RAMP1: variants seen among roughly 807,000 people sequenced by gnomAD.
RAMP1 encodes the protein receptor activity modifying protein 1, also known as receptor activity-modifying protein 1.
RAMP1 carries 7 observed loss-of-function variants against 8.2 expected under a neutral mutation model. The ratio of observed to expected loss-of-function variants is 0.85; its 90% CI spans 0.49 to 1.60. RAMP1 has a LOEUF of 1.60. RAMP1 is among the 40% of genes most tolerant of loss of function. The probability of loss-of-function intolerance (pLI) is 0.00; values close to 1 mark genes in which losing one functional copy is unlikely to be tolerated. For missense variants in RAMP1, 192 were observed against 202.4 expected, an observed-to-expected ratio of 0.95 and a Z score of 0.31; for synonymous variants, 92 against 84.7, an observed-to-expected ratio of 1.09 and a Z score of -0.47.
intron 1 of RAMP1, among the ~76,000 whole-genome samples, chr2:237,867,553 G>C (rs1212730026): frequency 1.3e-5 from 2 of 152,198 alleles, no homozygotes; most frequent in Non-Finnish European, 2.9e-5. Flanking sequence ...CTTTTGTCCT[G>C]TGAAGGAAGA....
At chr2:237,909,918 G>A (rs894731931) in intron 2 of RAMP1, among the ~76,000 whole-genome samples, 2 of 152,098 alleles carry the variant, frequency 1.3e-5, no homozygotes, top group Non-Finnish European at 2.9e-5. Context: ...TCCTGGAGCA[G>A]AGGGGACTCC....
chr2:237,870,694 T>G (rs1007739954), intron 1 of RAMP1, among the ~76,000 whole-genome samples: 1 of 152,100 alleles, frequency 6.6e-6, no homozygotes, highest in African/African-American at 2.4e-5. Flanking sequence ...TGAATGGCAG[T>G]CGGGGGCAGG....
At chr2:237,876,767 G>T (rs189869865) in intron 1 of RAMP1, among the ~76,000 whole-genome samples, 54 of 152,248 alleles carry the variant, frequency 3.5e-4, no homozygotes, top group Admixed American at 2.1e-3. Context: ...CAGGAGGAGG[G>T]AGCACAGTTC....
chr2:237,873,551 T>C (rs13403217), intron 1 of RAMP1, among the ~76,000 whole-genome samples: 3,459 of 152,238 alleles, frequency 0.023, 125 homozygotes, highest in African/African-American at 0.076. Flanking sequence ...CTGAACCCCC[T>C]CAAGCAACAC....
intron 1 of RAMP1, among the ~76,000 whole-genome samples, chr2:237,875,064 G>A (rs1403719705): frequency 6.6e-6 from 1 of 152,192 alleles, no homozygotes; most frequent in East Asian, 1.9e-4. Flanking sequence ...TGGACAGGCA[G>A]CCTGGAATTC....
chr2:237,895,801 C>T (rs545450017), intron 2 of RAMP1, among the ~76,000 whole-genome samples: 7 of 152,300 alleles, frequency 4.6e-5, no homozygotes, highest in South Asian at 2.1e-4. Context: ...AGCGTTGCTT[C>T]ACAAGGACAA....
In RAMP1 at chr2:237,877,689, G is replaced by C. The variant is rs1473485752; in HGVS notation, c.191+327G>C. 6.6e-6 allele frequency among the ~76,000 whole-genome samples: 1 copy of C among 152,166 alleles called. No individual in the cohort carries two copies. Among genetic ancestry groups the C allele is most frequent in the Non-Finnish European group, 1.5e-5 (1 of 68,010 alleles). ...CTGAGAGTAGGGTCTCATGCCCAGG[G>C]TGGCCGGGTCTCTGACTGGAGCCTG... is the stretch of plus-strand genomic sequence containing the variant. On this transcript the variant is annotated intron_variant, in intron 2 of 2. Coordinates refer to ENST00000254661, the MANE Select transcript of RAMP1 (RefSeq NM_005855.4). The surrounding 1 kb of genome is among the most constrained non-coding windows in gnomAD (Gnocchi z 4.4).
chr2:237,878,280 G>T lies in RAMP1; in HGVS notation c.191+918G>T, dbSNP rs1396884240. 6.6e-6 allele frequency among the ~76,000 whole-genome samples: 1 copy of T among 152,242 alleles called. No homozygotes were observed. Among genetic ancestry groups the T allele is most frequent in the Non-Finnish European group, 1.5e-5 (1 of 68,026 alleles). On this transcript the variant is annotated intron_variant, in intron 2 of 2. Coordinates refer to ENST00000254661, the MANE Select transcript of RAMP1 (RefSeq NM_005855.4). This position sits in a 1 kb window ranked among gnomAD's most constrained non-coding sequence, Gnocchi z 5.7. ...TGAGAGAAAGGGAGCCCTGGGGACT[G>T]GTGGGGAGGGCCAGGGGCAGGGAGG...
At chr2:237,883,554 G>A (rs1309961179) in intron 2 of RAMP1, among the ~76,000 whole-genome samples, 4 of 152,132 alleles carry the variant, frequency 2.6e-5, no homozygotes, top group African/African-American at 7.2e-5. Flanking sequence ...AGTGGCTTTC[G>A]CCTGTAATCC....
chr2:237,870,703 G>A (rs1362580997), intron 1 of RAMP1, among the ~76,000 whole-genome samples: 1 of 152,232 alleles, frequency 6.6e-6, no homozygotes, highest in African/African-American at 2.4e-5. Flanking sequence ...GTCGGGGGCA[G>A]GACCAAGGCT....
intron 2 of RAMP1, among the ~76,000 whole-genome samples, chr2:237,891,738 A>T (rs564154800): frequency 6.6e-6 from 1 of 152,274 alleles, no homozygotes; most frequent in Non-Finnish European, 1.5e-5. Flanking sequence ...ACAACCATTA[A>T]TGTTACCTTG....
intron 2 of RAMP1, among the ~76,000 whole-genome samples, chr2:237,904,100 A>G (rs1559954385): frequency 6.6e-6 from 1 of 152,328 alleles, no homozygotes; most frequent in Non-Finnish European, 1.5e-5. Context: ...TCACATGCTT[A>G]GTAGTCATTT....
At chr2:237,860,005 T>A in intron 1 of RAMP1, 1 of 382,686 alleles carries the variant, frequency 2.6e-6, no homozygotes, top group Non-Finnish European at 4.7e-6. Flanking sequence ...AAGCGTGGGG[T>A]GAGTCAGCCC....
intron 2 of RAMP1, among the ~76,000 whole-genome samples, chr2:237,909,683 G>A (rs534919079): frequency 6.6e-6 from 1 of 152,156 alleles, no homozygotes; most frequent in Non-Finnish European, 1.5e-5. Context: ...CACGTCCTGG[G>A]TTGGAAGATG....
intron 2 of RAMP1, among the ~76,000 whole-genome samples, chr2:237,892,276 C>CTT (rs201847138): frequency 6.7e-5 from 9 of 134,370 alleles, no homozygotes; most frequent in Non-Finnish European, 1.1e-4. Flanking sequence ...TTCTTTCTTT[C>CTT]TTTTTTTTTT....
At chr2:237,903,495 C>T (rs1002048906) in intron 2 of RAMP1, among the ~76,000 whole-genome samples, 38 of 152,080 alleles carry the variant, frequency 2.5e-4, no homozygotes, top group African/African-American at 8.5e-4. Flanking sequence ...GCCTCAGTAT[C>T]CTACACCTTC....
chr2:237,873,017 C>T lies in RAMP1; in HGVS notation c.53-4207C>T, dbSNP rs150147123. Among the ~76,000 whole-genome samples, 389 of 152,204 alleles carry T rather than the reference C, an allele frequency of 2.6e-3. 1 individual carries two copies. Among genetic ancestry groups the T allele is most frequent in the South Asian group, 9.8e-3 (47 of 4,816 alleles). On this transcript the variant is annotated intron_variant, in intron 1 of 2. Transcript: ENST00000254661. ...CAGCCTGGGCAACAGACCAAGACCC[C>T]GTCTCAAAATCAAATAAAATAAACA...
At chr2:237,885,554 G>A (rs1475371928) in intron 2 of RAMP1, among the ~76,000 whole-genome samples, 2 of 152,242 alleles carry the variant, frequency 1.3e-5, no homozygotes, top group Admixed American at 6.5e-5. Flanking sequence ...GTGTGCTGGT[G>A]GAATAGCGTG....
At chr2:237,863,931 C>G (rs554078726) in intron 1 of RAMP1, among the ~76,000 whole-genome samples, 5 of 152,130 alleles carry the variant, frequency 3.3e-5, no homozygotes, top group Non-Finnish European at 4.4e-5. Flanking sequence ...CCACCCCTCA[C>G]GGGGACAACT....
Sources: allele counts gnomAD v4.1 joint callset (sites outside exome capture counted in the v4.1 genomes callset), GRCh38; gene constraint gnomAD v4.1.1; non-coding constraint Gnocchi (gnomAD v3.1); transcripts MANE v1.5; gene names NCBI Gene and HGNC (gene_info 2026-07-23, HGNC 2026-07-21).